Variants in ZNF718 observed in about 807,000 individuals in gnomAD.
ZNF718 encodes zinc finger protein 718.
A neutral mutation model predicts 2.6 loss-of-function variants in ZNF718; 3 were observed. The ratio of observed to expected loss-of-function variants is 1.16; its 90% confidence interval spans 0.53 to 3.01. ZNF718 has a LOEUF of 3.01. ZNF718 is among the 30% of genes most tolerant of loss of function. The pLI is 0.03. For missense variants in ZNF718, 468 were observed against 230.0 expected, an observed-to-expected ratio of 2.03 and a Z score of -6.69; for synonymous variants, 135 against 77.9, an observed-to-expected ratio of 1.73 and a Z score of -3.86.
At chr4:199,008 G>T (rs528107366) in intron 3 of ZNF718, among the ~76,000 whole-genome samples, 4 of 152,268 alleles carry the variant, frequency 2.6e-5, no homozygotes, top group African/African-American at 9.6e-5. Flanking sequence ...AGAGCAGCTG[G>T]GATATGCACC....
At chr4:150,793 G>A (rs1038576718) in intron 3 of ZNF718, among the ~76,000 whole-genome samples, 15 of 151,968 alleles carry the variant, frequency 9.9e-5, no homozygotes, top group African/African-American at 3.6e-4. Context: ...TCCAGCAATA[G>A]TGTTTAATTT....
intron 3 of ZNF718, among the ~76,000 whole-genome samples, chr4:181,424 TA>T (rs1485614288): frequency 6.6e-6 from 1 of 152,028 alleles, no homozygotes; most frequent in South Asian, 2.1e-4. Flanking sequence ...TTTTAACTTT[TA>T]AAATTAGAGA....
At chr4:168,768 G>C (rs1165354076), downstream of ZNF718, among the ~76,000 whole-genome samples, 1 of 151,846 alleles carries the variant, frequency 6.6e-6, no homozygotes, top group Non-Finnish European at 1.5e-5. Context: ...TCTTGCTAGT[G>C]GTCTATCAAT....
chr4:192,144 GGTGGTGATCAGCA>G, intron 3 of ZNF718, among the ~76,000 whole-genome samples: 1 of 152,274 alleles, frequency 6.6e-6, no homozygotes, highest in Non-Finnish European at 1.5e-5. Context: ...GGTCTGCGAT[GGTGGTGATCAGCA>G]GTGGTGGATG....
chr4:201,709 T>C (rs1717905881), exon 5 of ZNF718: 1 of 184,108 alleles, frequency 5.4e-6, no homozygotes, highest in Middle Eastern at 5.8e-4. Flanking sequence ...ATCATAAATT[T>C]GGGCAACTCT....
intron 3 of ZNF718, among the ~76,000 whole-genome samples, chr4:148,092 T>A (rs1271202352): frequency 3.3e-5 from 5 of 152,152 alleles, no homozygotes; most frequent in African/African-American, 1.2e-4. Context: ...TGTTTCTGGG[T>A]TCACGGCATT....
rs1715403310 is a variant in ZNF718 at position 133,198 on chromosome 4, ATATATATATATATAT to A, written c.226+1694_226+1708del. Among the ~76,000 whole-genome samples the A allele has an allele frequency of 3.6e-4, 7 of 19,278 alleles. 2 individuals are homozygous for A. The highest frequency in any genetic ancestry group is 7.8e-4 in the African/African-American group (3 of 3,832). The allele number at this position is 19,278 out of a possible 152,430, so 12.6% of individuals were successfully genotyped here. ...ATCTTAAAAAAAAAAAAAAAAAAAT[ATATATATATATATAT>A]ATATATATATATATATGGTAACACT... On this transcript the variant is annotated intron_variant, in intron 3 of 3. Coordinates refer to ENST00000510175, the MANE Select transcript of ZNF718 (RefSeq NM_001039127.6).
intron 3 of ZNF718, among the ~76,000 whole-genome samples, chr4:190,648 A>C (rs1717672707): frequency 6.6e-6 from 1 of 152,198 alleles, no homozygotes; most frequent in African/African-American, 2.4e-5. Context: ...GGGAACCTAG[A>C]ATACTGAGCA....
At chr4:152,862 T>C (rs1553812864) in intron 3 of ZNF718, among the ~76,000 whole-genome samples, 2 of 152,166 alleles carry the variant, frequency 1.3e-5, no homozygotes, top group Admixed American at 1.3e-4. Flanking sequence ...AATATTTTCT[T>C]TCATTCTGTA....
At chr4:136,526 A>G (rs577660320) in intron 3 of ZNF718, 14 of 516,628 alleles carry the variant, frequency 2.7e-5, no homozygotes, top group African/African-American at 5.8e-5. Context: ...AGCCATGTCT[A>G]TGGGCTCTTG....
intron 3 of ZNF718, among the ~76,000 whole-genome samples, chr4:155,294 C>T (rs1350689722): frequency 3.9e-5 from 6 of 152,288 alleles, no homozygotes; most frequent in African/African-American, 9.6e-5. Flanking sequence ...GAGAAGCAGG[C>T]CACTGTCCTC....
At chr4:191,252 A>G (rs1553821172) in intron 3 of ZNF718, among the ~76,000 whole-genome samples, 1 of 148,426 alleles carries the variant, frequency 6.7e-6, no homozygotes, top group Non-Finnish European at 1.5e-5. Flanking sequence ...GGGTTCAAGC[A>G]ATTCTCCTGT....
At chr4:201,479 G>C (rs1336578545) in intron 4 of ZNF718, 1 of 153,204 alleles carries the variant, frequency 6.5e-6, no homozygotes, top group Non-Finnish European at 1.5e-5. Context: ...GTGTTCCTCT[G>C]GGTGGTGGAC....
At chr4:145,325 C>T (rs185309157) in intron 3 of ZNF718, among the ~76,000 whole-genome samples, 247 of 152,164 alleles carry the variant, frequency 1.6e-3, no homozygotes, top group Non-Finnish European at 3.1e-3. Flanking sequence ...TCTTCCCTTG[C>T]GTTTTCTTGA....
At chr4:169,914 C>T (rs200582289) in intron 3 of ZNF718, among the ~76,000 whole-genome samples, 29,056 of 150,180 alleles carry the variant, frequency 0.19, 3,064 homozygotes, top group Admixed American at 0.26. Context: ...TTATTTTGCT[C>T]ATCAGTTGAT....
At chr4:143,357 T>C (rs1715897571) in intron 3 of ZNF718, among the ~76,000 whole-genome samples, 1 of 152,148 alleles carries the variant, frequency 6.6e-6, no homozygotes, top group African/African-American at 2.4e-5. Flanking sequence ...CTGGCTAATT[T>C]TTCTATTTTT....
chr4:184,341 C>A (rs1717523636), intron 3 of ZNF718, among the ~76,000 whole-genome samples: 1 of 152,180 alleles, frequency 6.6e-6, no homozygotes, highest in Non-Finnish European at 1.5e-5. Context: ...ACCAACCTTG[C>A]ATCCCAGGGA....
At chr4:187,801 C>T (rs1717599231) in intron 3 of ZNF718, among the ~76,000 whole-genome samples, 1 of 152,132 alleles carries the variant, frequency 6.6e-6, no homozygotes, top group African/African-American at 2.4e-5. Context: ...TGTTCAGCCC[C>T]CAATTGGCTT....
At chr4:151,603 C>G (rs1052413520) in intron 3 of ZNF718, among the ~76,000 whole-genome samples, 2 of 152,190 alleles carry the variant, frequency 1.3e-5, no homozygotes, top group South Asian at 2.1e-4. Context: ...GCCTCAGCCT[C>G]GCAAGTAGCT....
Sources: allele counts gnomAD v4.1 joint callset (sites outside exome capture counted in the v4.1 genomes callset), GRCh38; gene constraint gnomAD v4.1.1; transcripts MANE v1.5; gene names NCBI Gene and HGNC (gene_info 2026-07-23, HGNC 2026-07-21).